FNDC3A: variants seen among roughly 807,000 people sequenced by gnomAD.
FNDC3A encodes the protein fibronectin type III domain containing 3A.
Under a neutral mutation model 148.9 loss-of-function variants are expected in FNDC3A, and 32 were observed. The observed-to-expected ratio is 0.21, with a 90% confidence interval of 0.16 to 0.29. The LOEUF (loss-of-function observed/expected upper bound fraction) is 0.29, where lower values mean the gene tolerates loss of function less well. Among genes scored for constraint, FNDC3A ranks in the 10% least tolerant of loss-of-function variants. FNDC3A has a pLI of 1.00. For missense variants in FNDC3A, 1,191 were observed against 1,452.8 expected (o/e 0.82, Z 2.93); for synonymous variants, 472 against 473.6 (o/e 1.00, Z 0.04).
intron 13 of FNDC3A, among the ~76,000 whole-genome samples, chr13:49,177,024 C>G (rs1258027246): frequency 6.6e-6 from 1 of 152,212 alleles, no homozygotes; most frequent in Non-Finnish European, 1.5e-5. Flanking sequence ...TCTCACACTC[C>G]TAGGCTCAAG....
At chr13:49,130,882 C>G (rs1881989072) in intron 4 of FNDC3A, among the ~76,000 whole-genome samples, 1 of 152,270 alleles carries the variant, frequency 6.6e-6, no homozygotes, top group South Asian at 2.1e-4. Flanking sequence ...AATTCTGCCT[C>G]AGCCTCCCAA....
Position 49,198,255 on chromosome 13 carries a change from A to G in FNDC3A, c.2764A>G (p.Thr922Ala), listed in dbSNP as rs1421862353. The G allele has an allele frequency of 1.9e-6, 3 of 1,613,868 alleles. No homozygotes were observed. The highest frequency in any genetic ancestry group is 1.7e-6 in the Non-Finnish European group (2 of 1,179,814). ...TATTATCAACAATTTGCAACCAGAT[A>G]CAACATACAGGTATACTCTAAAAAT... ...SYIINNLQPD[T>A]TYRIRIQALN... The change falls in exon 22 of 26, where the codon ACA becomes GCA. Residue 922 changes from threonine (T) to alanine (A), a missense_variant. By Grantham distance (58) the Thr-to-Ala change is moderately conservative. This residue lies in a region of FNDC3A where 751 missense variants were observed against 944.0 expected (regional missense o/e 0.80). Transcript: ENST00000492622.
intron 1 of FNDC3A, among the ~76,000 whole-genome samples, chr13:48,977,528 A>G (rs910190165): frequency 6.6e-6 from 1 of 152,212 alleles, no homozygotes; most frequent in Non-Finnish European, 1.5e-5. Context: ...CAAATGTTCA[A>G]GTGAGTTGAA....
chr13:49,183,605 T>C (rs1566312674), intron 14 of FNDC3A, among the ~76,000 whole-genome samples: 1 of 152,220 alleles, frequency 6.6e-6, no homozygotes, highest in Non-Finnish European at 1.5e-5. Flanking sequence ...AATATAGTTT[T>C]TAGGAGGACT....
intron 4 of FNDC3A, among the ~76,000 whole-genome samples, chr13:49,119,318 G>T (rs1191362013): frequency 5.3e-5 from 8 of 152,128 alleles, no homozygotes; most frequent in Admixed American, 5.2e-4. Context: ...CAAGAAACAC[G>T]ATGTCCACAC....
chr13:49,010,147 C>A (rs990008346), intron 2 of FNDC3A, among the ~76,000 whole-genome samples: 7 of 152,132 alleles, frequency 4.6e-5, no homozygotes, highest in Non-Finnish European at 1.5e-5. Context: ...CTGGACCAAA[C>A]CTTTTGTTGG....
upstream of FNDC3A, chr13:48,975,379 C>A (rs372560372): frequency 6.6e-6 from 1 of 152,250 alleles, no homozygotes; most frequent in Admixed American, 6.5e-5. Context: ...CCACCCCCCA[C>A]GTTTTCAACT....
At chr13:49,185,074 G>A (rs1399354310) in intron 14 of FNDC3A, among the ~76,000 whole-genome samples, 1 of 151,998 alleles carries the variant, frequency 6.6e-6, no homozygotes, top group Non-Finnish European at 1.5e-5. Context: ...TTTTTACTGT[G>A]GGGAGAGAAA....
intron 1 of FNDC3A, among the ~76,000 whole-genome samples, chr13:48,995,955 C>T (rs561013077): frequency 6.6e-6 from 1 of 152,102 alleles, no homozygotes; most frequent in South Asian, 2.1e-4. Flanking sequence ...AAAATCCAAA[C>T]GTTAAAAATG....
At chr13:49,055,747 G>A (rs546325835) in intron 2 of FNDC3A, among the ~76,000 whole-genome samples, 1 of 152,134 alleles carries the variant, frequency 6.6e-6, no homozygotes, top group Admixed American at 6.5e-5. Context: ...TATCTTACAT[G>A]TATTTGATTG....
intron 8 of FNDC3A, among the ~76,000 whole-genome samples, chr13:49,151,179 G>A (rs1435142934): frequency 1.3e-5 from 2 of 152,098 alleles, no homozygotes; most frequent in Admixed American, 6.6e-5. Flanking sequence ...CTGAGAGTGG[G>A]GGGTTGAAGT....
rs369116780 is a variant in FNDC3A at position 49,160,999 on chromosome 13, T to A, written c.978-6245T>A. On this transcript the variant is annotated intron_variant, in intron 8 of 25. Transcript: ENST00000492622. ...GGTCTGAGAGACAGTTTGTTATAATTTCTGTTCTTTTACATTTGCTGAGGA... is the reference window on the plus strand; with the variant it reads ...GGTCTGAGAGACAGTTTGTTATAATATCTGTTCTTTTACATTTGCTGAGGA... Among the ~76,000 whole-genome samples, 18 of 152,332 alleles carry A rather than the reference T, an allele frequency of 1.2e-4. No individual in the cohort carries two copies. In the East Asian group the frequency reaches 1.9e-3, roughly 16 times the overall value.
chr13:49,178,688 T>G (rs758054372), intron 14 of FNDC3A, 34 bp downstream of exon 14: 1 of 1,224,182 alleles, frequency 8.2e-7, no homozygotes, highest in Admixed American at 2.4e-5. Context: ...GATTTGTTCC[T>G]TGTTCCTATT....
intron 1 of FNDC3A, among the ~76,000 whole-genome samples, chr13:48,987,444 A>G (rs1951827153): frequency 2.6e-5 from 4 of 152,172 alleles, no homozygotes; most frequent in African/African-American, 9.7e-5. Flanking sequence ...TGTTAGTATT[A>G]AGGTATAATT....
rs1466069065 is a variant in FNDC3A, at chr13:49,188,609, C to T, written c.1920C>T (p.Cys640=). Reference sequence around the variant, plus strand: ...GTTTCTATCGTTTACGAGTTTACTGCATCAGTGATGGAGGACAGAGTGCGG... The same window carrying T: ...GTTTCTATCGTTTACGAGTTTACTGTATCAGTGATGGAGGACAGAGTGCGG... ...PGCFYRLRVY[C]ISDGGQSAVS... The change falls in exon 17 of 26, where the codon TGC becomes TGT. Residue 640 remains cysteine, a synonymous_variant. Transcript: ENST00000492622. 1 of 1,611,816 alleles carries T rather than the reference C, an allele frequency of 6.2e-7. No homozygotes were observed. The highest frequency in any genetic ancestry group is 1.1e-5 in the South Asian group (1 of 90,998).
intron 7 of FNDC3A, 97 bp from the exon 8 acceptor site, chr13:49,145,680 TA>T: frequency 1.1e-6 from 1 of 941,874 alleles, no homozygotes; most frequent in Non-Finnish European, 1.6e-6. Context: ...TATAAACAGA[TA>T]CATTTTATTT....
intron 14 of FNDC3A, 94 bp from the exon 15 acceptor site, chr13:49,185,870 G>A (rs1885540524): frequency 1.1e-6 from 1 of 926,462 alleles, no homozygotes; most frequent in African/African-American, 1.7e-5. Context: ...TTTATCATTT[G>A]GTTGAAGCTG....
intron 3 of FNDC3A, among the ~76,000 whole-genome samples, chr13:49,079,571 T>C (rs1158684262): frequency 6.6e-6 from 1 of 152,194 alleles, no homozygotes; most frequent in African/African-American, 2.4e-5. Flanking sequence ...AAGAATGACT[T>C]GACTTATTTG....
At chr13:49,129,683 A>G (rs1881913443) in intron 4 of FNDC3A, among the ~76,000 whole-genome samples, 1 of 152,162 alleles carries the variant, frequency 6.6e-6, no homozygotes, top group South Asian at 2.1e-4. Flanking sequence ...AAGGGGTCTG[A>G]GGCATCCATT....
Sources: gnomAD v4.1 joint callset for allele counts (sites outside exome capture counted in the v4.1 genomes callset) on GRCh38, gnomAD v4.1.1 for gene constraint, gnomAD v4.1.1 regional missense constraint, MANE v1.5 for transcripts, NCBI Gene and HGNC (gene_info 2026-07-23, HGNC 2026-07-21) for gene names.